Variants in ARSG observed in about 807,000 individuals in gnomAD.
The protein encoded by ARSG is ASG.
ARSG carries 37 observed loss-of-function variants against 50.5 expected under a neutral mutation model. The ratio of observed to expected loss-of-function variants is 0.73; its 90% CI spans 0.56 to 0.96. The LOEUF is 0.96. ARSG is among the 50% of genes least tolerant of loss of function. The pLI is 0.00. For missense variants in ARSG, 629 were observed against 675.3 expected (o/e 0.93, Z 0.76); for synonymous variants, 225 against 254.6 (o/e 0.88, Z 1.11).
chr17:68,331,264 T>TC, intron 2 of ARSG, among the ~76,000 whole-genome samples: 1 of 143,250 alleles, frequency 7.0e-6, no homozygotes, highest in Admixed American at 7.0e-5. Context: ...TTTCTTTCTT[T>TC]TTTTGAGACA....
At chr17:68,320,893 C>T (rs533356784) in intron 2 of ARSG, among the ~76,000 whole-genome samples, 204 of 152,170 alleles carry the variant, frequency 1.3e-3, no homozygotes, top group Admixed American at 2.0e-3. Context: ...TGTCGTATAC[C>T]TTGTGTGTGT....
intron 11 of ARSG, among the ~76,000 whole-genome samples, chr17:68,406,167 T>C (rs922441037): frequency 2.6e-5 from 4 of 152,238 alleles, no homozygotes; most frequent in African/African-American, 9.7e-5. Flanking sequence ...CTGAGTTACT[T>C]CACTTAGAAT....
chr17:68,365,448 C>G (rs1222042445), intron 6 of ARSG, among the ~76,000 whole-genome samples: 1 of 152,218 alleles, frequency 6.6e-6, no homozygotes, highest in East Asian at 1.9e-4. Context: ...CAGGGCTACA[C>G]AGTCATGAAA....
the ARSG span, among the ~76,000 whole-genome samples, chr17:68,441,757 T>A: frequency 6.6e-6 from 1 of 152,164 alleles, no homozygotes; most frequent in South Asian, 2.1e-4. Context: ...CTCTGGGGGC[T>A]AAAAATGATC....
intron 10 of ARSG, among the ~76,000 whole-genome samples, chr17:68,398,296 T>C (rs913568500): frequency 6.6e-6 from 1 of 152,224 alleles, no homozygotes; most frequent in Non-Finnish European, 1.5e-5. Context: ...TGTATACACA[T>C]GCATGCACAC....
intron 1 of ARSG, chr17:68,272,521 C>T (rs767784071): frequency 4.7e-5 from 55 of 1,171,152 alleles, no homozygotes; most frequent in South Asian, 4.5e-4. Flanking sequence ...ACGTAAATAA[C>T]GTCTCATTAC....
chr17:68,374,250 T>C (rs192433340), intron 8 of ARSG, among the ~76,000 whole-genome samples: 53 of 152,222 alleles, frequency 3.5e-4, no homozygotes, highest in African/African-American at 1.2e-3. Flanking sequence ...TCCTCCTTTC[T>C]GTACCTGGGA....
chr17:68,287,955 C>T (rs899430472), upstream of ARSG, among the ~76,000 whole-genome samples: 7 of 142,494 alleles, frequency 4.9e-5, no homozygotes, highest in African/African-American at 1.8e-4. Flanking sequence ...CTCTCTCTTT[C>T]TCTCTCTCTC....
At chr17:68,279,515 G>C (rs1029171132) in intron 1 of ARSG, among the ~76,000 whole-genome samples, 1 of 152,082 alleles carries the variant, frequency 6.6e-6, no homozygotes, top group Non-Finnish European at 1.5e-5. Context: ...GAATTTCCAA[G>C]TACATGATGA....
the ARSG span, among the ~76,000 whole-genome samples, chr17:68,447,468 A>C: frequency 0.12 from 18,616 of 152,132 alleles, 1,220 homozygotes; most frequent in South Asian, 0.21. Flanking sequence ...TGCAGCCTTC[A>C]ACTCTTGGGC....
At chr17:68,437,808 A>C in the ARSG span, among the ~76,000 whole-genome samples, 3 of 152,148 alleles carry the variant, frequency 2.0e-5, no homozygotes, top group South Asian at 6.2e-4. Flanking sequence ...GGATTCAAGA[A>C]GGGAGCATTT....
the ARSG span, among the ~76,000 whole-genome samples, chr17:68,427,942 T>C: frequency 1.2e-4 from 19 of 152,194 alleles, no homozygotes. Context: ...CAGGCTGCAG[T>C]GCAGTGGTGT....
At chr17:68,307,769 A>G in intron 2 of ARSG, 58 bp downstream of exon 2, 1 of 941,030 alleles carries the variant, frequency 1.1e-6, no homozygotes, top group East Asian at 2.4e-5. Context: ...CGTTCTTGAG[A>G]GGGGAAGGGG....
At chr17:68,401,540 T>A in intron 11 of ARSG, 90 bp downstream of exon 11, 1 of 1,197,320 alleles carries the variant, frequency 8.4e-7, no homozygotes, top group Non-Finnish European at 1.2e-6. Context: ...GGAATGAGTG[T>A]GAGTCCCTCC....
intron 1 of ARSG, among the ~76,000 whole-genome samples, chr17:68,301,699 C>G (rs1026666360): frequency 6.6e-6 from 1 of 150,910 alleles, no homozygotes; most frequent in African/African-American, 2.4e-5. Context: ...CTTCCCATCT[C>G]TCGCAGCAAA....
At chr17:68,450,430 G>A in the ARSG span, among the ~76,000 whole-genome samples, 2 of 152,182 alleles carry the variant, frequency 1.3e-5, no homozygotes. Context: ...GACTGTCCAA[G>A]CCAGAGCTCT....
Position 68,379,394 on chromosome 17 carries a change from G to A in ARSG, c.983-5670G>A, listed in dbSNP as rs540220726. ...TAGCTTAGTAGCTGGGACTGCAGGT[G>A]TGTGCCACCATGCCTGGAACACTAC... On this transcript the variant is annotated intron_variant, in intron 8 of 11. Transcript: ENST00000621439. Among the ~76,000 whole-genome samples, 8 of 144,710 alleles carry A rather than the reference G, an allele frequency of 5.5e-5. No homozygotes were observed. In the South Asian group the frequency reaches 8.8e-4, roughly 16 times the overall value. The allele number at this position is 144,710 out of a possible 152,430, so 94.9% of individuals were successfully genotyped here.
rs906327276 is a variant in ARSG at position 68,399,857 on chromosome 17, G to A, written c.1213-1503G>A. On this transcript the variant is annotated intron_variant, in intron 10 of 11. Coordinates refer to ENST00000621439, the MANE Select transcript of ARSG (RefSeq NM_001267727.2). This position sits in a 1 kb window ranked among gnomAD's most constrained non-coding sequence, Gnocchi z 4.6. ...TTTTCCAAGTCTCCCACTTCCTGCT[G>A]TCTCAAGAAGGAAACAAAACAGTCT... Among the ~76,000 whole-genome samples, 2 of 152,248 alleles carry A rather than the reference G, an allele frequency of 1.3e-5. No individual in the cohort carries two copies. The highest frequency in any genetic ancestry group is 2.4e-5 in the African/African-American group (1 of 41,462).
rs148085194 is a variant in ARSG at position 68,315,891 on chromosome 17, A to G, written c.218+8180A>G. On this transcript the variant is annotated intron_variant, in intron 2 of 11. Transcript: ENST00000621439. ...GGTGATCCACCTGCCTCGGCCTCCCAAAGTGCTGGGATTACAAAGTGCGTG... is the reference window on the plus strand; with the variant it reads ...GGTGATCCACCTGCCTCGGCCTCCCGAAGTGCTGGGATTACAAAGTGCGTG... 6.4e-3 allele frequency among the ~76,000 whole-genome samples: 978 copies of G among 152,218 alleles called. 11 individuals carry two copies. Among genetic ancestry groups the G allele is most frequent in the African/African-American group, 0.022 (902 of 41,502 alleles).
Sources: allele counts gnomAD v4.1 joint callset (sites outside exome capture counted in the v4.1 genomes callset), GRCh38; gene constraint gnomAD v4.1.1; non-coding constraint Gnocchi (gnomAD v3.1); transcripts MANE v1.5; gene names NCBI Gene and HGNC (gene_info 2026-07-23, HGNC 2026-07-21).